GLIS3: variants seen among roughly 807,000 people sequenced by gnomAD.
GLIS3 encodes the protein zinc finger protein GLIS3.
In GLIS3, 53 loss-of-function variants were observed where a neutral mutation model predicts 78.6. That is an observed-to-expected ratio of 0.67 (90% CI 0.54 to 0.85). The LOEUF (loss-of-function observed/expected upper bound fraction) is 0.85. Ranked by LOEUF, GLIS3 falls within the 40% of genes least tolerant of loss-of-function variation. The pLI, the probability that GLIS3 is intolerant of heterozygous loss-of-function variation, is 0.00. For synonymous variants in GLIS3, 684 were observed against 509.9 expected, an observed-to-expected ratio of 1.34 and a Z score of -4.60; for missense variants, 1,703 against 1,231.1, an observed-to-expected ratio of 1.38 and a Z score of -5.74.
chr9:4,289,646 C>G (rs1828283590), intron 1 of GLIS3, among the ~76,000 whole-genome samples: 1 of 151,994 alleles, frequency 6.6e-6, no homozygotes, highest in Non-Finnish European at 1.5e-5. Context: ...CTACTCTACC[C>G]CAGGCTACCA....
the GLIS3 span, among the ~76,000 whole-genome samples, chr9:4,374,256 T>C: frequency 6.6e-6 from 1 of 152,194 alleles, no homozygotes; most frequent in Non-Finnish European, 1.5e-5. Context: ...ACAACTCCCC[T>C]TCTCTGAAGC....
At chr9:4,427,071 G>A in the GLIS3 span, among the ~76,000 whole-genome samples, 1 of 152,176 alleles carries the variant, frequency 6.6e-6, no homozygotes, top group Non-Finnish European at 1.5e-5. Flanking sequence ...TATGATATGT[G>A]AATGAAAGTG....
chr9:4,135,107 G>A (rs1833304463), intron 2 of GLIS3, among the ~76,000 whole-genome samples: 1 of 152,054 alleles, frequency 6.6e-6, no homozygotes, highest in African/African-American at 2.4e-5. Flanking sequence ...TAGGAATTAC[G>A]GCATATACAT....
chr9:3,833,211 A>G (rs1239080111), intron 9 of GLIS3, among the ~76,000 whole-genome samples: 1 of 152,192 alleles, frequency 6.6e-6, no homozygotes, highest in African/African-American at 2.4e-5. Flanking sequence ...AGCATGTTTT[A>G]TCACTCTAAC....
At chr9:4,119,077 G>A (rs1328484845) in intron 3 of GLIS3, among the ~76,000 whole-genome samples, 196 bp from the exon 4 acceptor site, 1 of 152,090 alleles carries the variant, frequency 6.6e-6, no homozygotes, top group Non-Finnish European at 1.5e-5. Context: ...ATTTTACCAA[G>A]AAGAACAATA....
the GLIS3 span, among the ~76,000 whole-genome samples, chr9:4,436,583 T>C: frequency 1.3e-5 from 2 of 152,000 alleles, no homozygotes; most frequent in African/African-American, 4.8e-5. Context: ...GGCGGGTGGA[T>C]CACCTGAGGT....
chr9:4,118,098 G>C lies in GLIS3; in HGVS notation c.1380C>G (p.Pro460=), dbSNP rs756301885. The C allele has an allele frequency of 8.1e-5, 126 of 1,560,604 alleles. No individual in the cohort carries two copies. Among genetic ancestry groups the C allele is most frequent in the Non-Finnish European group, 1.0e-4 (116 of 1,152,284 alleles). ...PPLPPPPGPP[P]PYHAHAHLHH... ...GAAGGTGCGCATGGGCATGGTAAGG[G>C]GGTGGGGGGCCTGGGGGCGGCGGCA... Residue 460 remains proline (P), a synonymous_variant, in exon 4 of 11, where the codon CCC becomes CCG. Coordinates refer to ENST00000381971, the MANE Select transcript of GLIS3 (RefSeq NM_001042413.2). The surrounding 1 kb of genome is among the most constrained non-coding windows in gnomAD (Gnocchi z 4.7).
chr9:4,230,481 G>A (rs938883068), intron 2 of GLIS3, among the ~76,000 whole-genome samples: 2 of 152,136 alleles, frequency 1.3e-5, no homozygotes, highest in Non-Finnish European at 2.9e-5. Context: ...GTAAAAGAAA[G>A]CGATAGAAAA....
At chr9:4,262,540 G>A (rs751392673) in intron 2 of GLIS3, among the ~76,000 whole-genome samples, 1 of 152,122 alleles carries the variant, frequency 6.6e-6, no homozygotes, top group Non-Finnish European at 1.5e-5. Flanking sequence ...ACAGTTCCAT[G>A]AGTTAAATAG....
the GLIS3 span, among the ~76,000 whole-genome samples, chr9:4,421,799 T>G: frequency 6.6e-6 from 1 of 152,214 alleles, no homozygotes; most frequent in Non-Finnish European, 1.5e-5. Context: ...AGTGTTAAAA[T>G]AGTGAACCAA....
intron 2 of GLIS3, among the ~76,000 whole-genome samples, chr9:4,321,509 T>TTTACCATATGATGTTACCATAATATGTTG: frequency 6.7e-6 from 1 of 148,828 alleles, no homozygotes; most frequent in Non-Finnish European, 1.5e-5. Flanking sequence ...GTATATGTTA[T>TTTACCATATGATGTTACCATAATATGTTG]GCTATTAAAT....
intron 8 of GLIS3, among the ~76,000 whole-genome samples, chr9:3,865,173 T>C (rs1039682516): frequency 6.6e-5 from 10 of 152,188 alleles, no homozygotes; most frequent in Admixed American, 2.6e-4. Context: ...CAAAGACTAT[T>C]TCTCAGAAAA....
chr9:4,159,670 G>T (rs923818953), intron 2 of GLIS3, among the ~76,000 whole-genome samples: 1 of 151,660 alleles, frequency 6.6e-6, no homozygotes, highest in Non-Finnish European at 1.5e-5. Flanking sequence ...AGTGAGCCGA[G>T]ATCGCACCAG....
At chr9:4,100,995 G>C (rs1830329002) in intron 4 of GLIS3, among the ~76,000 whole-genome samples, 1 of 152,150 alleles carries the variant, frequency 6.6e-6, no homozygotes, top group Non-Finnish European at 1.5e-5. Context: ...AACTGGGCTG[G>C]GGGCCCCTGG....
the GLIS3 span, among the ~76,000 whole-genome samples, chr9:4,355,007 T>C: frequency 6.6e-6 from 1 of 151,776 alleles, no homozygotes; most frequent in African/African-American, 2.4e-5. Context: ...TCCCAGGTAC[T>C]CGGGAGGCTG....
intron 3 of GLIS3, among the ~76,000 whole-genome samples, chr9:4,121,984 T>C (rs905062820): frequency 2.0e-5 from 3 of 152,270 alleles, no homozygotes; most frequent in Non-Finnish European, 4.4e-5. Context: ...GCAATCTCCA[T>C]TTCCATATGC....
chr9:4,036,825 C>G (rs1281612945), intron 4 of GLIS3, among the ~76,000 whole-genome samples: 1 of 152,144 alleles, frequency 6.6e-6, no homozygotes, highest in Non-Finnish European at 1.5e-5. Context: ...AGGACTCATT[C>G]TTGATGCCAA....
intron 4 of GLIS3, among the ~76,000 whole-genome samples, chr9:3,991,734 A>G (rs1820280189): frequency 8.5e-6 from 1 of 118,262 alleles, no homozygotes; most frequent in Admixed American, 1.2e-4. Flanking sequence ...TCTGTCGCCC[A>G]GGCTGGAGTG....
intron 7 of GLIS3, among the ~76,000 whole-genome samples, chr9:3,885,056 G>C (rs1302087663): frequency 6.6e-6 from 1 of 152,174 alleles, no homozygotes; most frequent in African/African-American, 2.4e-5. Context: ...AAGCAATTCA[G>C]CATTGAAGAG....
Sources: gnomAD v4.1 joint callset for allele counts (sites outside exome capture counted in the v4.1 genomes callset) on GRCh38, gnomAD v4.1.1 for gene constraint, Gnocchi (gnomAD v3.1) non-coding constraint, MANE v1.5 for transcripts, NCBI Gene and HGNC (gene_info 2026-07-23, HGNC 2026-07-21) for gene names.